IFT25: variants seen among roughly 807,000 people sequenced by gnomAD.
IFT25 encodes intraflagellar transport protein 25 homolog.
the IFT25 span, among the ~76,000 whole-genome samples, chr1:53,932,800 G>A: frequency 6.0e-4 from 91 of 152,212 alleles, 1 homozygote; most frequent in Middle Eastern, 0.024. Context: ...TCCTGAGCTC[G>A]GGCAATCCGC....
chr1:53,942,302 G>A, the IFT25 span, among the ~76,000 whole-genome samples: 2 of 152,186 alleles, frequency 1.3e-5, no homozygotes, highest in African/African-American at 4.8e-5. Flanking sequence ...GCCATATCTA[G>A]CCTGCCATCT....
chr1:53,925,459 G>C, the IFT25 span, among the ~76,000 whole-genome samples: 1 of 151,506 alleles, frequency 6.6e-6, no homozygotes, highest in Non-Finnish European at 1.5e-5. Context: ...AGGAGATTGA[G>C]ACCATCCTGG....
the IFT25 span, among the ~76,000 whole-genome samples, chr1:53,920,027 G>C: frequency 6.6e-6 from 1 of 152,100 alleles, no homozygotes; most frequent in African/African-American, 2.4e-5. Flanking sequence ...TCGAACTTCT[G>C]AGCTTAAGCC....
chr1:53,935,933 T>C, the IFT25 span, among the ~76,000 whole-genome samples: 3 of 152,244 alleles, frequency 2.0e-5, no homozygotes, highest in South Asian at 4.1e-4. Flanking sequence ...ACATAACCAA[T>C]AGAATAACAT....
chr1:53,939,121 G>A, the IFT25 span, among the ~76,000 whole-genome samples: 1 of 148,158 alleles, frequency 6.7e-6, no homozygotes, highest in South Asian at 2.1e-4. Flanking sequence ...GCTGGGCTCA[G>A]TAGCTTACGC....
the IFT25 span, among the ~76,000 whole-genome samples, chr1:53,939,369 T>C: frequency 0.015 from 2,141 of 140,684 alleles, 65 homozygotes; most frequent in African/African-American, 0.054. Context: ...CTGGCCTGGG[T>C]GACAGAGTGA....
the IFT25 span, among the ~76,000 whole-genome samples, chr1:53,938,237 A>T: frequency 1.3e-5 from 2 of 152,344 alleles, no homozygotes; most frequent in Admixed American, 6.5e-5. Context: ...TTATATATAC[A>T]TATATATGTG....
the IFT25 span, among the ~76,000 whole-genome samples, chr1:53,932,545 A>G: frequency 1.5e-3 from 234 of 152,340 alleles, 4 homozygotes; most frequent in East Asian, 0.034. Context: ...TTTATGTTTC[A>G]GCACATTTCA....
At chr1:53,933,691 T>C in the IFT25 span, among the ~76,000 whole-genome samples, 3 of 152,224 alleles carry the variant, frequency 2.0e-5, no homozygotes. Context: ...GATATTTAAC[T>C]GGAGTGTTTA....
chr1:53,922,417 TTTC>T, the IFT25 span, among the ~76,000 whole-genome samples: 6 of 151,820 alleles, frequency 4.0e-5, no homozygotes, highest in African/African-American at 1.5e-4. Context: ...AAAAAGTGTC[TTTC>T]TAAAGTATTT....
chr1:53,944,545 T>A, the IFT25 span, among the ~76,000 whole-genome samples: 50 of 152,298 alleles, frequency 3.3e-4, no homozygotes, highest in South Asian at 9.9e-3. Context: ...CTCCGGAGGC[T>A]GAGGCAGGAG....
the IFT25 span, among the ~76,000 whole-genome samples, chr1:53,944,937 G>A: frequency 1.1e-4 from 17 of 152,272 alleles, no homozygotes; most frequent in African/African-American, 3.9e-4. Context: ...TCCCTGACCA[G>A]CTCCCTTGGT....
chr1:53,933,529 T>TA, the IFT25 span, among the ~76,000 whole-genome samples: 1 of 152,238 alleles, frequency 6.6e-6, no homozygotes, highest in African/African-American at 2.4e-5. Context: ...CTGACATGAA[T>TA]ATAACTACAG....
chr1:53,922,348 C>T, the IFT25 span, among the ~76,000 whole-genome samples: 4 of 150,502 alleles, frequency 2.7e-5, no homozygotes, highest in South Asian at 6.3e-4. Flanking sequence ...GAGCAGAGAT[C>T]GCACCACTGC....
At chr1:53,918,102 C>T in the IFT25 span, among the ~76,000 whole-genome samples, 1 of 152,154 alleles carries the variant, frequency 6.6e-6, no homozygotes, top group Non-Finnish European at 1.5e-5. Flanking sequence ...TGGCTTAAAA[C>T]AATGAAGCTT....
At chr1:53,933,135 C>CT in the IFT25 span, among the ~76,000 whole-genome samples, 13,402 of 131,252 alleles carry the variant, frequency 0.1, 928 homozygotes, top group African/African-American at 0.15. Context: ...TCCTTTTTCT[C>CT]TTTTTTTTTT....
At chr1:53,920,392 CCT>C in the IFT25 span, among the ~76,000 whole-genome samples, 1 of 147,428 alleles carries the variant, frequency 6.8e-6, no homozygotes, top group Non-Finnish European at 1.5e-5. Context: ...CTCAAATTGC[CCT>C]TTTTTTTTTT....
At chr1:53,921,251 C>G in the IFT25 span, among the ~76,000 whole-genome samples, 2 of 152,148 alleles carry the variant, frequency 1.3e-5, no homozygotes, top group Non-Finnish European at 2.9e-5. Flanking sequence ...TCAGTGAAAC[C>G]CTTCCATAAG....
At chr1:53,922,893 G>C in the IFT25 span, among the ~76,000 whole-genome samples, 3 of 152,158 alleles carry the variant, frequency 2.0e-5, no homozygotes, top group Non-Finnish European at 1.5e-5. Context: ...AAGTTTTTGT[G>C]ACAGGGTAAT....
Sources: gnomAD v4.1 joint callset for allele counts (sites outside exome capture counted in the v4.1 genomes callset) on GRCh38, gnomAD v4.1.1 for gene constraint, MANE v1.5 for transcripts, NCBI Gene and HGNC (gene_info 2026-07-23, HGNC 2026-07-21) for gene names.